Variants in SRGAP2C observed in about 807,000 individuals in gnomAD.
The protein encoded by SRGAP2C is SLIT-ROBO Rho GTPase-activating protein 2C.
In SRGAP2C, 15 loss-of-function variants were observed where a neutral mutation model predicts 25.1. The ratio of observed to expected loss-of-function variants is 0.60; its 90% CI spans 0.40 to 0.92. The LOEUF (loss-of-function observed/expected upper bound fraction) is 0.92. Ranked by LOEUF, SRGAP2C falls within the 40% of genes least tolerant of loss-of-function variation. The probability of loss-of-function intolerance (pLI) is 0.00; values close to 1 mark genes in which losing one functional copy is unlikely to be tolerated. For synonymous variants in SRGAP2C, 44 were observed against 96.6 expected (o/e 0.46, Z 3.19); for missense variants, 144 against 264.4 (o/e 0.54, Z 3.16).
chr1:121,382,369 C>G (rs1553355057), intron 7 of SRGAP2C, among the ~76,000 whole-genome samples: 3 of 150,116 alleles, frequency 2.0e-5, no homozygotes, highest in South Asian at 2.2e-4. Context: ...AATGACAACC[C>G]CAGATAAACC....
intron 2 of SRGAP2C, among the ~76,000 whole-genome samples, chr1:121,201,589 G>A (rs1304272698): frequency 6.6e-6 from 1 of 152,262 alleles, no homozygotes; most frequent in Admixed American, 6.5e-5. Flanking sequence ...GCATGCGCGT[G>A]TGCGCGCACG....
rs1659475450 is a variant in SRGAP2C, at chr1:121,371,097, GT to G, written c.487-2869del. On this transcript the variant is annotated intron_variant, in intron 5 of 9. Transcript: ENST00000367123. ...CAGAACTGAGAATTTAGACTTTTCA[GT>G]TTTTCCCCATAGTTTGCATTTGCCT... Among the ~76,000 whole-genome samples, 4 of 150,982 alleles carry G rather than the reference GT, an allele frequency of 2.6e-5. No homozygotes were observed. In the South Asian group the frequency reaches 8.4e-4, roughly 32 times the overall value.
At chr1:121,361,765 G>A (rs1375273960) in intron 4 of SRGAP2C, 1 of 150,068 alleles carries the variant, frequency 6.7e-6, no homozygotes, top group Non-Finnish European at 1.5e-5. Context: ...TCTAAATTTA[G>A]GCATCTTTTT....
At chr1:121,210,150 T>C (rs1299765384) in intron 2 of SRGAP2C, among the ~76,000 whole-genome samples, 1 of 151,634 alleles carries the variant, frequency 6.6e-6, no homozygotes, top group African/African-American at 2.4e-5. Flanking sequence ...TAATTTGTTT[T>C]GAAGCTGAGA....
At chr1:121,211,516 T>TA (rs1184527362) in intron 2 of SRGAP2C, among the ~76,000 whole-genome samples, 1 of 151,230 alleles carries the variant, frequency 6.6e-6, no homozygotes, top group African/African-American at 2.4e-5. Context: ...GTAATTTCTA[T>TA]ATATTTTAAA....
At chr1:121,291,009 G>T (rs1553337554) in intron 3 of SRGAP2C, among the ~76,000 whole-genome samples, 1 of 125,170 alleles carries the variant, frequency 8.0e-6, no homozygotes, top group Non-Finnish European at 1.7e-5. Flanking sequence ...GGGTGTGGCA[G>T]CATTTTAGTG....
intron 3 of SRGAP2C, among the ~76,000 whole-genome samples, chr1:121,287,582 A>C (rs1269700990): frequency 1.3e-5 from 2 of 152,086 alleles, no homozygotes; most frequent in African/African-American, 4.8e-5. Context: ...TCATATTCTC[A>C]GCTTATGGAC....
chr1:121,271,506 T>A (rs1485814405), intron 2 of SRGAP2C, among the ~76,000 whole-genome samples: 1 of 151,894 alleles, frequency 6.6e-6, no homozygotes, highest in African/African-American at 2.4e-5. Context: ...CCTTTCTGAT[T>A]TAATAATAGC....
intron 2 of SRGAP2C, among the ~76,000 whole-genome samples, chr1:121,202,338 T>G (rs1249982448): frequency 2.6e-5 from 4 of 152,110 alleles, no homozygotes; most frequent in Non-Finnish European, 5.9e-5. Flanking sequence ...CCCTCCTCAC[T>G]TCCTCCAGTG....
intron 3 of SRGAP2C, among the ~76,000 whole-genome samples, chr1:121,298,237 G>C (rs1657638112): frequency 6.6e-6 from 1 of 151,462 alleles, no homozygotes. Context: ...GTTACTTTTA[G>C]ATCCAGGCTC....
At chr1:121,198,250 T>A (rs1553320981) in intron 2 of SRGAP2C, among the ~76,000 whole-genome samples, 1 of 147,512 alleles carries the variant, frequency 6.8e-6, no homozygotes, top group Non-Finnish European at 1.5e-5. Flanking sequence ...TTTTAGGATA[T>A]CATCCTTTAG....
rs1553358143 is a variant in SRGAP2C, at chr1:121,392,050, T to A, written c.*4195T>A. 1 of 151,858 alleles carries A rather than the reference T, an allele frequency of 6.6e-6. No homozygotes were observed. Among genetic ancestry groups the A allele is most frequent in the Non-Finnish European group, 1.5e-5 (1 of 67,906 alleles). 9.4% of individuals were successfully genotyped at this position (151,858 alleles called of 1,614,324 possible). On this transcript the variant is annotated 3_prime_UTR_variant, in exon 10 of 10. Coordinates refer to ENST00000367123, the MANE Select transcript of SRGAP2C (RefSeq NM_001329984.2). ...AGTGGAAAACTACAATGATAAAAAT[T>A]TAAAAATCACCAGAGGGATTTAAGA...
At chr1:121,213,105 G>A (rs1478142779) in intron 2 of SRGAP2C, among the ~76,000 whole-genome samples, 1 of 150,572 alleles carries the variant, frequency 6.6e-6, no homozygotes, top group Non-Finnish European at 1.5e-5. Flanking sequence ...GAGTGCAATG[G>A]CATGATCTCA....
intron 3 of SRGAP2C, among the ~76,000 whole-genome samples, chr1:121,312,274 C>T (rs1657981418): frequency 4.3e-5 from 2 of 46,434 alleles, no homozygotes; most frequent in African/African-American, 7.9e-5. Context: ...GGTGATATCC[C>T]CTTTATCATT....
chr1:121,239,837 A>C (rs1449489244), intron 2 of SRGAP2C, among the ~76,000 whole-genome samples: 2 of 152,294 alleles, frequency 1.3e-5, no homozygotes, highest in Non-Finnish European at 2.9e-5. Flanking sequence ...AATATTTACT[A>C]TCTGGCCTTT....
intron 4 of SRGAP2C, among the ~76,000 whole-genome samples, chr1:121,331,181 A>G (rs1244748801): frequency 2.5e-5 from 3 of 118,212 alleles, no homozygotes; most frequent in Non-Finnish European, 5.0e-5. Context: ...AAAGAGGTCC[A>G]TATTCTAACC....
In SRGAP2C at chr1:121,365,241, C is replaced by T; in HGVS notation, c.424-52C>T. 12 of 365,358 alleles carry T rather than the reference C, an allele frequency of 3.3e-5. 3 individuals are homozygous for T. Among genetic ancestry groups the T allele is most frequent in the South Asian group, 3.0e-4 (12 of 40,092 alleles). The allele number at this position is 365,358 out of a possible 1,614,324, so 22.6% of individuals were successfully genotyped here. A position where few individuals can be genotyped will look rare whatever the true frequency, so the allele number is the denominator to read the frequency against. ...CAGTGTGGCTTTTGCCTTCGTTGCT[C>T]CCTCCTCTCTCTTCTGTTTCCCAAT... On this transcript the variant is annotated intron_variant, in intron 4 of 9. Coordinates refer to ENST00000367123, the MANE Select transcript of SRGAP2C (RefSeq NM_001329984.2).
chr1:121,271,060 G>A (rs1656942063), intron 2 of SRGAP2C, among the ~76,000 whole-genome samples: 1 of 150,976 alleles, frequency 6.6e-6, no homozygotes, highest in Non-Finnish European at 1.5e-5. Flanking sequence ...GCCTCCCAAA[G>A]TGCTGGGATT....
chr1:121,338,484 G>T, intron 4 of SRGAP2C, among the ~76,000 whole-genome samples: 1 of 87,852 alleles, frequency 1.1e-5, no homozygotes, highest in African/African-American at 4.7e-5. Context: ...GACTTTCTCT[G>T]GTCTTTTAGT....
Sources: allele counts gnomAD v4.1 joint callset (sites outside exome capture counted in the v4.1 genomes callset), GRCh38; gene constraint gnomAD v4.1.1; transcripts MANE v1.5; gene names NCBI Gene and HGNC (gene_info 2026-07-23, HGNC 2026-07-21).